The following SVOP variants were observed in gnomAD, a reference collection of about 807,000 sequenced individuals.
SVOP encodes the protein SV2 related protein, also known as synaptic vesicle 2-related protein.
Under a neutral mutation model 69.1 loss-of-function variants are expected in SVOP, and 17 were observed. That is an observed-to-expected ratio of 0.25 (90% CI 0.17 to 0.37). The LOEUF is 0.37. Ranked by LOEUF, SVOP falls within the 10% of genes least tolerant of loss-of-function variation. The pLI is 1.00. For missense variants in SVOP, 435 were observed against 597.5 expected (o/e 0.73, Z 2.84); for synonymous variants, 238 against 238.6 (o/e 1.00, Z 0.02).
intron 1 of SVOP, among the ~76,000 whole-genome samples, chr12:108,984,355 C>T (rs2040156508): frequency 6.6e-6 from 1 of 152,132 alleles, no homozygotes; most frequent in African/African-American, 2.4e-5. Flanking sequence ...CATAAAAAGC[C>T]AGAATCCCAA....
chr12:108,926,816 C>T (rs1208548149), intron 11 of SVOP, among the ~76,000 whole-genome samples: 2 of 152,172 alleles, frequency 1.3e-5, no homozygotes, highest in Non-Finnish European at 2.9e-5. Context: ...ACCAGTTGTA[C>T]CCTCTTATTT....
intron 2 of SVOP, among the ~76,000 whole-genome samples, chr12:108,979,736 G>T (rs1193289028): frequency 6.6e-6 from 1 of 152,094 alleles, no homozygotes; most frequent in African/African-American, 2.4e-5. Context: ...CTGCTTACCA[G>T]GCTCATCTTT....
chr12:109,020,222 G>A (rs1437768658), intron 1 of SVOP, among the ~76,000 whole-genome samples: 1 of 152,162 alleles, frequency 6.6e-6, no homozygotes, highest in Non-Finnish European at 1.5e-5. Flanking sequence ...TGTTCCGACA[G>A]TGAGTCTCAC....
intron 4 of SVOP, 85 bp downstream of exon 4, chr12:108,977,313 G>A (rs572408867): frequency 5.1e-5 from 74 of 1,447,242 alleles, no homozygotes; most frequent in African/African-American, 8.4e-5. Flanking sequence ...CTGAGCCTTC[G>A]GCAGCAGGAG....
At chr12:109,020,320 TA>T (rs1222460604) in intron 1 of SVOP, among the ~76,000 whole-genome samples, 3 of 152,180 alleles carry the variant, frequency 2.0e-5, no homozygotes, top group Non-Finnish European at 4.4e-5. Context: ...ACACACTTCA[TA>T]AACAACAGGA....
At chr12:108,988,755 T>TTCCC (rs1360433837) in intron 1 of SVOP, among the ~76,000 whole-genome samples, 2 of 141,676 alleles carry the variant, frequency 1.4e-5, no homozygotes, top group Admixed American at 7.6e-5. Context: ...TCTTCCTTTC[T>TTCCC]TACTTCTTTT....
intron 4 of SVOP, 76 bp from the exon 5 acceptor site, chr12:108,972,552 G>A (rs773608889): frequency 2.4e-4 from 344 of 1,417,884 alleles, no homozygotes; most frequent in Middle Eastern, 3.9e-4. Flanking sequence ...AAACGGAAGT[G>A]GTGACGTCAC....
intron 11 of SVOP, 105 bp from the exon 12 acceptor site, chr12:108,922,902 C>T (rs2039758669): frequency 3.9e-6 from 3 of 766,448 alleles, no homozygotes; most frequent in African/African-American, 1.7e-5. Flanking sequence ...GTTTAGATGC[C>T]ATAGAAAGAG....
chr12:108,997,316 A>G (rs1187582794), intron 1 of SVOP, among the ~76,000 whole-genome samples: 1 of 151,266 alleles, frequency 6.6e-6, no homozygotes, highest in Admixed American at 6.6e-5. Flanking sequence ...TCCTACGCCC[A>G]CGGAGTCTCG....
At chr12:109,003,301 C>A (rs2040284168) in intron 1 of SVOP, among the ~76,000 whole-genome samples, 2 of 152,270 alleles carry the variant, frequency 1.3e-5, no homozygotes, top group African/African-American at 4.8e-5. Flanking sequence ...ACATTTTTAA[C>A]CTGGGCATCT....
Position 108,938,869 on chromosome 12 carries a change from GT to G in SVOP, c.854del (p.Asn285ThrfsTer21). The G allele has an allele frequency of 6.2e-7, 1 of 1,613,980 alleles. No homozygotes were observed. Among genetic ancestry groups the G allele is most frequent in the Non-Finnish European group, 8.5e-7 (1 of 1,179,878 alleles). ...GTTTCCCCAGCGGCATGGGAGCTCC[GT>G]TTTCAGTTGCTATCCTCTTTAAGGT... Reference protein sequence around the residue: ...IATLKRIATENGAPMPLGKLI... With the variant: ...IATLKRIATEXGAPMPLGKLI... On this transcript the variant is annotated frameshift_variant, in exon 9 of 16. Transcript: ENST00000610966. LOFTEE classifies it high-confidence loss of function.
intron 6 of SVOP, among the ~76,000 whole-genome samples, chr12:108,952,360 A>T (rs2039960709): frequency 6.9e-6 from 1 of 145,922 alleles, no homozygotes; most frequent in African/African-American, 2.5e-5. Flanking sequence ...TCAGCCTCCC[A>T]AGTAGCTAGG....
intron 1 of SVOP, among the ~76,000 whole-genome samples, chr12:108,991,458 TTTGTTTG>T (rs2040200202): frequency 6.6e-6 from 1 of 151,186 alleles, no homozygotes; most frequent in Non-Finnish European, 1.5e-5. Context: ...TGTTTGTTTG[TTTGTTTG>T]TTTGTTTTGA....
chr12:108,996,914 A>C (rs2040235867), intron 1 of SVOP, among the ~76,000 whole-genome samples: 1 of 152,238 alleles, frequency 6.6e-6, no homozygotes, highest in Non-Finnish European at 1.5e-5. Context: ...CCTGGGTGAC[A>C]GAACAAGACC....
chr12:108,943,038 T>C (rs1041436099), intron 7 of SVOP, among the ~76,000 whole-genome samples: 34 of 151,854 alleles, frequency 2.2e-4, no homozygotes, highest in African/African-American at 6.3e-4. Flanking sequence ...GGATTATAGG[T>C]GTGAGCCACT....
chr12:108,989,726 G>A (rs2040188483), intron 1 of SVOP, among the ~76,000 whole-genome samples: 1 of 152,202 alleles, frequency 6.6e-6, no homozygotes, highest in Non-Finnish European at 1.5e-5. Context: ...CCTGCTAAAG[G>A]AATCTGTAAA....
intron 1 of SVOP, among the ~76,000 whole-genome samples, chr12:108,988,088 A>ATT (rs76929861): frequency 1.3e-4 from 20 of 150,546 alleles, no homozygotes; most frequent in South Asian, 2.1e-4. Context: ...TGCCTGACTA[A>ATT]TTTTTTTTTC....
intron 1 of SVOP, among the ~76,000 whole-genome samples, chr12:108,999,669 C>G (rs925670442): frequency 6.8e-6 from 1 of 147,956 alleles, no homozygotes; most frequent in African/African-American, 2.5e-5. Flanking sequence ...CACTCAAAAC[C>G]TCTCAACTAC....
chr12:108,986,262 A>G (rs574962826), intron 1 of SVOP, among the ~76,000 whole-genome samples: 33 of 152,346 alleles, frequency 2.2e-4, no homozygotes, highest in South Asian at 2.1e-3. Context: ...CCTAGAAGTC[A>G]CATGGCTTGC....
Sources: gnomAD v4.1 joint callset for allele counts (sites outside exome capture counted in the v4.1 genomes callset) on GRCh38, gnomAD v4.1.1 for gene constraint, MANE v1.5 for transcripts, NCBI Gene and HGNC (gene_info 2026-07-23, HGNC 2026-07-21) for gene names.